Variants in GRM8 observed in about 807,000 individuals in gnomAD.
GRM8 encodes glutamate metabotropic receptor 8.
GRM8 carries 47 observed loss-of-function variants against 87.2 expected under a neutral mutation model. The observed-to-expected ratio is 0.54, with a 90% CI of 0.43 to 0.69. The LOEUF (loss-of-function observed/expected upper bound fraction) is 0.69, where lower values mean the gene tolerates loss of function less well. Among genes scored for constraint, GRM8 ranks in the 30% least tolerant of loss-of-function variants. The pLI is 0.00. For synonymous variants in GRM8, 396 were observed against 404.5 expected (o/e 0.98, Z 0.25); for missense variants, 1,019 against 1,139.2 (o/e 0.89, Z 1.52).
At chr7:126,670,296 G>T (rs190068732) in intron 7 of GRM8, among the ~76,000 whole-genome samples, 36 of 152,036 alleles carry the variant, frequency 2.4e-4, no homozygotes, top group Admixed American at 1.1e-3. Context: ...GAGGTAAAAA[G>T]GATTATTTGA....
At chr7:127,192,541 A>T (rs1422777450) in intron 2 of GRM8, among the ~76,000 whole-genome samples, 4 of 152,192 alleles carry the variant, frequency 2.6e-5, no homozygotes, top group African/African-American at 9.7e-5. Context: ...GTGCTTTATC[A>T]CGAGTCTCAG....
rs185245609 is a variant in GRM8, at chr7:126,906,920, A to G, written c.728-2237T>C. ...TAATTGATTCATTCCTTCAGTAAAT[A>G]TTTCTTGAGTGCCCCGTATCTGCTA... On this transcript the variant is annotated intron_variant, in intron 3 of 10. Transcript: ENST00000339582. Among the ~76,000 whole-genome samples the G allele has an allele frequency of 7.1e-4, 108 of 152,280 alleles. 1 individual carries two copies. Among genetic ancestry groups the G allele is most frequent in the Non-Finnish European group, 2.1e-4 (14 of 68,018 alleles).
chr7:127,053,797 A>ATG (rs1563456930), intron 3 of GRM8, among the ~76,000 whole-genome samples: 6 of 55,096 alleles, frequency 1.1e-4, no homozygotes, highest in African/African-American at 4.5e-4. Context: ...CAAAAAAAAA[A>ATG]AGGGGGGGGG....
chr7:126,806,734 C>G (rs899935783), intron 6 of GRM8, among the ~76,000 whole-genome samples: 3 of 152,238 alleles, frequency 2.0e-5, no homozygotes, highest in Admixed American at 2.0e-4. Flanking sequence ...GCCAGCCACT[C>G]TGGCAGCCCA....
At chr7:126,663,828 A>G (rs1805474544) in intron 7 of GRM8, among the ~76,000 whole-genome samples, 1 of 152,174 alleles carries the variant, frequency 6.6e-6, no homozygotes, top group South Asian at 2.1e-4. Context: ...AAGGCATCCA[A>G]ATAGGAAAAT....
chr7:127,176,259 TA>T (rs1406812628), intron 2 of GRM8, among the ~76,000 whole-genome samples: 8 of 151,790 alleles, frequency 5.3e-5, no homozygotes, highest in Admixed American at 2.0e-4. Flanking sequence ...GGCAGGAAAA[TA>T]CTGGAACAAA....
chr7:126,807,130 A>G (rs1194221573), intron 6 of GRM8, among the ~76,000 whole-genome samples: 3 of 152,218 alleles, frequency 2.0e-5, no homozygotes, highest in Admixed American at 6.5e-5. Context: ...CATGAAGTAC[A>G]CAAGCATTAC....
intron 2 of GRM8, 75 bp downstream of exon 2, chr7:127,242,620 T>G: frequency 1.4e-6 from 2 of 1,408,870 alleles, no homozygotes; most frequent in Non-Finnish European, 2.0e-6. Flanking sequence ...TTCACTTTCT[T>G]CTTAAACCTG....
chr7:126,548,948 A>T (rs1396378869), intron 8 of GRM8, among the ~76,000 whole-genome samples: 1 of 152,204 alleles, frequency 6.6e-6, no homozygotes, highest in Non-Finnish European at 1.5e-5. Context: ...AAAAGTTAAG[A>T]AACCTAACTG....
intron 3 of GRM8, among the ~76,000 whole-genome samples, chr7:127,015,049 G>GAAC (rs1815346847): frequency 1.6e-5 from 2 of 122,220 alleles, no homozygotes; most frequent in Admixed American, 8.6e-5. Flanking sequence ...AGAAGAAGAA[G>GAAC]AAGAAGAAGA....
chr7:126,739,406 G>GCACA lies in GRM8; in HGVS notation c.1357+30455_1357+30458dup, dbSNP rs3222171. Among the ~76,000 whole-genome samples the GCACA allele has an allele frequency of 1.3e-4, 19 of 148,796 alleles. No homozygotes were observed. The East Asian group carries it at 1.4e-3, about 11-fold the overall frequency. On this transcript the variant is annotated intron_variant, in intron 7 of 10. Coordinates refer to ENST00000339582, the MANE Select transcript of GRM8 (RefSeq NM_000845.3). Reference sequence around the variant, plus strand: ...TCCAAAGTTACTCAAAATTGTGTTTGCACACACACACACACACACACACAC... The same window carrying GCACA: ...TCCAAAGTTACTCAAAATTGTGTTTGCACACACACACACACACACACACACACAC...
chr7:127,244,978 T>G (rs370168073), intron 1 of GRM8, among the ~76,000 whole-genome samples: 26 of 152,182 alleles, frequency 1.7e-4, no homozygotes, highest in African/African-American at 4.6e-4. Flanking sequence ...ATTTCCTCTG[T>G]GCTGCCCCCA....
chr7:126,637,776 C>T (rs548697451), intron 7 of GRM8, among the ~76,000 whole-genome samples: 1 of 152,256 alleles, frequency 6.6e-6, no homozygotes, highest in Non-Finnish European at 1.5e-5. Flanking sequence ...TTACAGCAGT[C>T]TGTGGCCTTT....
chr7:127,216,528 AAAAAAAC>A (rs1489720486), intron 2 of GRM8, among the ~76,000 whole-genome samples: 8 of 150,756 alleles, frequency 5.3e-5, no homozygotes, highest in Non-Finnish European at 8.9e-5. Flanking sequence ...AAAAAAAAAA[AAAAAAAC>A]AAAAAAAAAA....
chr7:127,243,803 A>G lies in GRM8; in HGVS notation c.-311-288T>C, dbSNP rs376824644. ...TATTTCAATAAACCTTATTTCCATG[A>G]AGGTAAAAATCCTGCAACTGATGGC... is the stretch of plus-strand genomic sequence containing the variant. On this transcript the variant is annotated intron_variant, in intron 1 of 10. Transcript: ENST00000339582. 4.1e-4 allele frequency among the ~76,000 whole-genome samples: 62 copies of G among 152,170 alleles called. 1 individual carries two copies. The South Asian group carries it at 0.011, about 26-fold the overall frequency.
intron 7 of GRM8, among the ~76,000 whole-genome samples, chr7:126,733,079 TCTTCCAATGTGGCC>T (rs1195595763): frequency 1.3e-5 from 2 of 152,114 alleles, no homozygotes; most frequent in Admixed American, 6.6e-5. Flanking sequence ...CAATTATTCT[TCTTCCAATGTGGCC>T]CAGGGAAGCC....
chr7:126,809,532 C>T (rs1158661013), intron 6 of GRM8, among the ~76,000 whole-genome samples: 2 of 152,132 alleles, frequency 1.3e-5, no homozygotes, highest in Admixed American at 6.5e-5. Context: ...AAGACCTTCC[C>T]ATACTCTACA....
intron 6 of GRM8, among the ~76,000 whole-genome samples, chr7:126,772,358 T>C (rs1357118258): frequency 6.6e-6 from 1 of 152,166 alleles, no homozygotes; most frequent in Non-Finnish European, 1.5e-5. Context: ...TCATTTATTT[T>C]GCATCGCTGA....
chr7:126,966,426 C>T (rs1011779207), intron 3 of GRM8, among the ~76,000 whole-genome samples: 1 of 152,060 alleles, frequency 6.6e-6, no homozygotes, highest in Non-Finnish European at 1.5e-5. Flanking sequence ...TGAGCCACTG[C>T]GCCTGGCCAG....
Sources: allele counts gnomAD v4.1 joint callset (sites outside exome capture counted in the v4.1 genomes callset), GRCh38; gene constraint gnomAD v4.1.1; transcripts MANE v1.5; gene names NCBI Gene and HGNC (gene_info 2026-07-23, HGNC 2026-07-21).